Variants in AGBL4 observed in about 807,000 individuals in gnomAD.
AGBL4 encodes cytosolic carboxypeptidase 6.
Under a neutral mutation model 66.4 loss-of-function variants are expected in AGBL4, and 58 were observed. The ratio of observed to expected loss-of-function variants is 0.87; its 90% CI spans 0.71 to 1.09. AGBL4 has a LOEUF of 1.09. AGBL4 is among the 50% of genes least tolerant of loss of function. The probability of loss-of-function intolerance (pLI) is 0.00; values close to 1 mark genes in which losing one functional copy is unlikely to be tolerated. For synonymous variants in AGBL4, 234 were observed against 222.9 expected (o/e 1.05, Z -0.44); for missense variants, 579 against 631.0 (o/e 0.92, Z 0.88).
chr1:49,661,489 T>C (rs1336609281), intron 3 of AGBL4, among the ~76,000 whole-genome samples: 2 of 152,114 alleles, frequency 1.3e-5, no homozygotes, highest in Non-Finnish European at 2.9e-5. Context: ...TTCCCTTCTC[T>C]CGCTCTTGCA....
At chr1:49,283,933 G>A (rs1183031204) in intron 3 of AGBL4, among the ~76,000 whole-genome samples, 1 of 149,654 alleles carries the variant, frequency 6.7e-6, no homozygotes, top group Admixed American at 6.7e-5. Flanking sequence ...GAACCAAGTT[G>A]GAAAACACTC....
chr1:48,757,164 T>C (rs1052682248), intron 6 of AGBL4, among the ~76,000 whole-genome samples: 1 of 152,184 alleles, frequency 6.6e-6, no homozygotes, highest in African/African-American at 2.4e-5. Flanking sequence ...ATTTCTGTTT[T>C]TGGTGTACTT....
chr1:48,903,337 A>T (rs1341392498), intron 5 of AGBL4, among the ~76,000 whole-genome samples: 1 of 152,096 alleles, frequency 6.6e-6, no homozygotes, highest in Non-Finnish European at 1.5e-5. Flanking sequence ...TGCCTGAGGG[A>T]TATCTGTGGA....
Position 49,004,421 on chromosome 1 carries a change from T to C in AGBL4, c.594+41163A>G, listed in dbSNP as rs373067672. On this transcript the variant is annotated intron_variant, in intron 5 of 13. Coordinates refer to ENST00000371839, the MANE Select transcript of AGBL4 (RefSeq NM_032785.4). ...ACCAGCCTGAATGGGCTGAATAAAA[T>C]GAAATGGCATATAAAAATTATCTCT... 2.0e-5 allele frequency among the ~76,000 whole-genome samples: 3 copies of C among 152,148 alleles called. No homozygotes were observed. The East Asian group carries it at 5.8e-4, about 29-fold the overall frequency.
At chr1:49,338,146 A>C (rs1645473307) in intron 3 of AGBL4, among the ~76,000 whole-genome samples, 1 of 152,206 alleles carries the variant, frequency 6.6e-6, no homozygotes, top group Admixed American at 6.5e-5. Context: ...TAATGGAGAG[A>C]TAGGAGGAGG....
intron 4 of AGBL4, among the ~76,000 whole-genome samples, chr1:49,151,488 C>T (rs1228335442): frequency 4.0e-5 from 6 of 150,172 alleles, no homozygotes; most frequent in African/African-American, 4.9e-5. Context: ...GATGTTGGCC[C>T]ATTACCCATC....
chr1:48,538,262 A>T (rs1005540713), intron 12 of AGBL4, among the ~76,000 whole-genome samples: 2 of 152,184 alleles, frequency 1.3e-5, no homozygotes, highest in African/African-American at 2.4e-5. Flanking sequence ...GGTCTTGATG[A>T]GTTGGTTGGA....
At chr1:48,677,685 G>A (rs2148475464) in intron 6 of AGBL4, among the ~76,000 whole-genome samples, 1 of 152,326 alleles carries the variant, frequency 6.6e-6, no homozygotes, top group South Asian at 2.1e-4. Context: ...CTGACAGCTT[G>A]ATGCCTCACT....
chr1:48,916,002 G>A (rs1438517894), intron 5 of AGBL4, among the ~76,000 whole-genome samples: 1 of 152,204 alleles, frequency 6.6e-6, no homozygotes. Flanking sequence ...TGAGCCTAGA[G>A]AGAGTGGAAG....
Position 49,227,138 on chromosome 1 carries a change from T to C in AGBL4, c.377+18632A>G, listed in dbSNP as rs372798755. Among the ~76,000 whole-genome samples the C allele has an allele frequency of 2.0e-4, 30 of 152,336 alleles. No homozygotes were observed. The East Asian group carries it at 4.1e-3, about 21-fold the overall frequency. Reference sequence around the variant, plus strand: ...AGATACAAACATTCAGACCATAGAATATTGCTTATCAAATTTTGTAATTAT... The same window carrying C: ...AGATACAAACATTCAGACCATAGAACATTGCTTATCAAATTTTGTAATTAT... On this transcript the variant is annotated intron_variant, in intron 4 of 13. Coordinates refer to ENST00000371839, the MANE Select transcript of AGBL4 (RefSeq NM_032785.4).
intron 4 of AGBL4, among the ~76,000 whole-genome samples, chr1:49,076,916 C>T (rs1419016246): frequency 2.6e-5 from 4 of 152,146 alleles, no homozygotes; most frequent in Non-Finnish European, 5.9e-5. Flanking sequence ...TTTATGCTGG[C>T]TATTAGTGCT....
intron 4 of AGBL4, among the ~76,000 whole-genome samples, chr1:49,065,588 C>T (rs752709586): frequency 1.3e-5 from 2 of 152,200 alleles, no homozygotes; most frequent in Non-Finnish European, 2.9e-5. Context: ...TAATGAATAT[C>T]ATCAAGCAAC....
intron 6 of AGBL4, among the ~76,000 whole-genome samples, chr1:48,681,147 T>C (rs989351426): frequency 1.3e-5 from 2 of 152,208 alleles, no homozygotes; most frequent in Admixed American, 6.5e-5. Flanking sequence ...GATCCTCTGG[T>C]ATACTATCTG....
chr1:49,424,626 A>T (rs1645617591), intron 3 of AGBL4, among the ~76,000 whole-genome samples: 1 of 152,202 alleles, frequency 6.6e-6, no homozygotes. Context: ...CAGTTCCAGC[A>T]AGGCCTCATA....
chr1:49,320,448 A>C (rs139463820), intron 3 of AGBL4, among the ~76,000 whole-genome samples: 1 of 152,302 alleles, frequency 6.6e-6, no homozygotes, highest in Non-Finnish European at 1.5e-5. Context: ...TATACAGAGA[A>C]GAAGAAAATG....
chr1:48,921,335 A>G (rs773174118), intron 5 of AGBL4, among the ~76,000 whole-genome samples: 1 of 152,238 alleles, frequency 6.6e-6, no homozygotes, highest in Non-Finnish European at 1.5e-5. Flanking sequence ...TGGACACTGG[A>G]GATGCAAATT....
intron 3 of AGBL4, among the ~76,000 whole-genome samples, chr1:49,378,672 A>G (rs905964751): frequency 5.3e-5 from 8 of 152,184 alleles, no homozygotes; most frequent in Non-Finnish European, 1.2e-4. Flanking sequence ...AGACAGCGTT[A>G]CAAGTCTGTC....
At chr1:48,555,457 T>C (rs1472743704) in intron 11 of AGBL4, among the ~76,000 whole-genome samples, 2 of 152,160 alleles carry the variant, frequency 1.3e-5, no homozygotes, top group East Asian at 3.9e-4. Flanking sequence ...GGCAGAGGCA[T>C]GTGCAAGCAT....
At chr1:49,061,131 G>T (rs915083769) in intron 4 of AGBL4, among the ~76,000 whole-genome samples, 3 of 152,128 alleles carry the variant, frequency 2.0e-5, no homozygotes, top group Non-Finnish European at 2.9e-5. Context: ...CAGCTCTCCT[G>T]GGGGCGAAAG....
Sources: gnomAD v4.1 joint callset for allele counts (sites outside exome capture counted in the v4.1 genomes callset) on GRCh38, gnomAD v4.1.1 for gene constraint, MANE v1.5 for transcripts, NCBI Gene and HGNC (gene_info 2026-07-23, HGNC 2026-07-21) for gene names.